SCUBE2: variants seen among roughly 807,000 people sequenced by gnomAD.
SCUBE2 encodes the protein signal peptide, CUB domain and EGF like domain containing 2.
Under a neutral mutation model 125.9 loss-of-function variants are expected in SCUBE2, and 114 were observed. The ratio of observed to expected loss-of-function variants is 0.91; its 90% confidence interval spans 0.78 to 1.06. The LOEUF is 1.06. SCUBE2 is among the 50% of genes least tolerant of loss of function. The pLI, the probability that SCUBE2 is intolerant of heterozygous loss-of-function variation, is 0.00. For synonymous variants in SCUBE2, 459 were observed against 492.9 expected (o/e 0.93, Z 0.91); for missense variants, 1,255 against 1,301.8 (o/e 0.96, Z 0.55).
At chr11:9,050,883 G>A (rs1182854422) in intron 13 of SCUBE2, among the ~76,000 whole-genome samples, 173 bp from the exon 14 acceptor site, 2 of 152,280 alleles carry the variant, frequency 1.3e-5, no homozygotes, top group African/African-American at 4.8e-5. Context: ...CATTGCCCTG[G>A]ACTGGGGCCA....
chr11:9,038,882 TTTCTTTTC>T (rs1005967845), intron 16 of SCUBE2, among the ~76,000 whole-genome samples: 6 of 151,972 alleles, frequency 3.9e-5, no homozygotes, highest in African/African-American at 1.5e-4. Flanking sequence ...TTTCTTTTCT[TTTCTTTTC>T]TTTTCTTTTC....
chr11:9,063,466 A>C (rs1251311608), intron 7 of SCUBE2, among the ~76,000 whole-genome samples: 1 of 152,238 alleles, frequency 6.6e-6, no homozygotes, highest in Non-Finnish European at 1.5e-5. Context: ...AGGATCAAGA[A>C]TAAAAATGAT....
intron 2 of SCUBE2, among the ~76,000 whole-genome samples, chr11:9,084,749 A>G (rs1045801229): frequency 6.6e-6 from 1 of 152,084 alleles, no homozygotes; most frequent in African/African-American, 2.4e-5. Context: ...TCTTATATCA[A>G]TTATTGTTTT....
chr11:9,077,316 A>C (rs917138907), intron 3 of SCUBE2, among the ~76,000 whole-genome samples: 1 of 152,146 alleles, frequency 6.6e-6, no homozygotes, highest in East Asian at 1.9e-4. Context: ...CAGAGTTAAG[A>C]ACAACTGCTA....
chr11:9,054,432 G>A (rs2135487643), intron 10 of SCUBE2, among the ~76,000 whole-genome samples: 1 of 152,154 alleles, frequency 6.6e-6, no homozygotes, highest in South Asian at 2.1e-4. Flanking sequence ...GAGCTGCCTA[G>A]CAAGGGAGGC....
In SCUBE2 at chr11:9,087,321, C is replaced by T. The variant is rs754111894; in HGVS notation, c.256+2386G>A. Reference sequence around the variant, plus strand: ...GGAATGGTTTTGTGCCACCAGAGAGCACACAGCAACTGGAGGACGTGAGTT... The same window carrying T: ...GGAATGGTTTTGTGCCACCAGAGAGTACACAGCAACTGGAGGACGTGAGTT... On this transcript the variant is annotated intron_variant, in intron 2 of 22. Coordinates refer to ENST00000649792, the MANE Select transcript of SCUBE2 (RefSeq NM_001367977.2). 5.3e-5 allele frequency among the ~76,000 whole-genome samples: 8 copies of T among 152,256 alleles called. No homozygotes were observed. The South Asian group carries it at 1.0e-3, about 20-fold the overall frequency.
intron 16 of SCUBE2, among the ~76,000 whole-genome samples, chr11:9,038,406 G>A (rs1319768331): frequency 1.3e-5 from 2 of 152,188 alleles, no homozygotes; most frequent in African/African-American, 4.8e-5. Flanking sequence ...CTGGGAGGCT[G>A]AGGCAGGAGG....
At chr11:9,025,959 C>T in intron 20 of SCUBE2, 105 bp from the exon 21 acceptor site, 1 of 1,206,558 alleles carries the variant, frequency 8.3e-7, no homozygotes. Context: ...ATAAGTTATG[C>T]TCAAAAGCTC....
chr11:9,090,469 T>TA (rs1554902878), intron 1 of SCUBE2: 2 of 56,898 alleles, frequency 3.5e-5, no homozygotes, highest in East Asian at 7.2e-4. Flanking sequence ...TTATGAGATT[T>TA]TTTTTTTATT....
chr11:9,041,963 G>A (rs1038408070), intron 16 of SCUBE2, among the ~76,000 whole-genome samples: 2 of 152,172 alleles, frequency 1.3e-5, no homozygotes, highest in African/African-American at 4.8e-5. Context: ...GTGCAAGATA[G>A]AGGGGGGCCT....
rs1198288139 is a variant in SCUBE2, at chr11:9,033,647, A to T, written c.2152T>A (p.Trp718Arg). The change falls in exon 17 of 23, where the codon TGG becomes AGG. Residue 718 changes from tryptophan (W) to arginine (R), a missense_variant. Physicochemically the swap from Trp to Arg is moderately radical, Grantham distance 101. Around this residue, in one of 3 missense-constraint regions of SCUBE2, gnomAD observed 515 missense variants for 515.7 expected, o/e 1.00. Transcript: ENST00000649792. ...TTACCTCCACATTCAGACATATTCCAAGCTTCTGGGGTCTTCAGGGCCCCA... is the reference window on the plus strand; with the variant it reads ...TTACCTCCACATTCAGACATATTCCTAGCTTCTGGGGTCTTCAGGGCCCCA... ...NSGALKTPEA[W>R]NMSECGGLCQ... 1.9e-6 allele frequency: 3 copies of T among 1,613,862 alleles called. No individual in the cohort carries two copies. In the Admixed American group the frequency reaches 5.0e-5, roughly 27 times the overall value.
intron 16 of SCUBE2, among the ~76,000 whole-genome samples, chr11:9,044,906 A>C (rs2135356162): frequency 6.6e-6 from 1 of 152,230 alleles, no homozygotes; most frequent in East Asian, 1.9e-4. Context: ...TTCCCTGACC[A>C]CAGTCTGCAC....
intron 7 of SCUBE2, among the ~76,000 whole-genome samples, chr11:9,061,571 G>GAAAA (rs11301303): frequency 1.9e-4 from 19 of 101,092 alleles, no homozygotes; most frequent in Middle Eastern, 5.5e-3. Context: ...GAAAAGAAAA[G>GAAAA]AAAAAAAAAA....
intron 2 of SCUBE2, among the ~76,000 whole-genome samples, chr11:9,080,607 C>T (rs899406724): frequency 2.6e-5 from 4 of 151,170 alleles, no homozygotes; most frequent in African/African-American, 7.3e-5. Flanking sequence ...CAAGATGACA[C>T]CACTGCATTC....
chr11:9,048,093 G>A lies in SCUBE2; in HGVS notation c.1645C>T (p.His549Tyr), dbSNP rs1177262346. The A allele has an allele frequency of 3.7e-6, 6 of 1,609,060 alleles. No individual in the cohort carries two copies. The East Asian group carries it at 1.3e-4, about 36-fold the overall frequency. ...CGGAAGCTCTCTTTTACTGAGCTGT[G>A]CTTCTCTGTATGAAGAAACAAAATT... ...EGLRPALPEK[H>Y]SSVKESFRYV... is the part of the protein sequence containing the mutation. Residue 549 changes from histidine to tyrosine, a missense_variant, in exon 15 of 23, where the codon CAC (histidine) becomes TAC (tyrosine). His to Tyr is a moderately conservative substitution (Grantham distance 83, BLOSUM62 2). Around this residue, in one of 3 missense-constraint regions of SCUBE2, gnomAD observed 378 missense variants for 463.1 expected, o/e 0.82. Coordinates refer to ENST00000649792, the MANE Select transcript of SCUBE2 (RefSeq NM_001367977.2).
chr11:9,020,964 G>T lies in SCUBE2; in HGVS notation c.*81C>A. On this transcript the variant is annotated 3_prime_UTR_variant, in exon 23 of 23. Coordinates refer to ENST00000649792, the MANE Select transcript of SCUBE2 (RefSeq NM_001367977.2). ...ATACGGGAGGCAGCAATACCCGACTGTGCTGACATGCAGAAGGAAGACAGC... is the reference window on the plus strand; with the variant it reads ...ATACGGGAGGCAGCAATACCCGACTTTGCTGACATGCAGAAGGAAGACAGC... 1 of 1,316,492 alleles carries T rather than the reference G, an allele frequency of 7.6e-7. No homozygotes were observed. Among genetic ancestry groups the T allele is most frequent in the Non-Finnish European group, 1.0e-6 (1 of 962,136 alleles). The allele number at this position is 1,316,492 out of a possible 1,614,324, so 81.6% of individuals were successfully genotyped here. A position where few individuals can be genotyped will look rare whatever the true frequency, so the allele number is the denominator to read the frequency against.
chr11:9,028,315 A>G (rs866841020), intron 19 of SCUBE2, among the ~76,000 whole-genome samples: 7 of 152,210 alleles, frequency 4.6e-5, no homozygotes, highest in Non-Finnish European at 1.0e-4. Context: ...GACTACAGGC[A>G]TGAGCCACTG....
At chr11:9,039,964 G>C (rs905340150) in intron 16 of SCUBE2, among the ~76,000 whole-genome samples, 4 of 152,206 alleles carry the variant, frequency 2.6e-5, no homozygotes, top group African/African-American at 9.7e-5. Context: ...AAGAACACCC[G>C]ACTGAAGGGC....
intron 7 of SCUBE2, 121 bp downstream of exon 7, chr11:9,065,770 C>T (rs141051409): frequency 9.3e-6 from 7 of 752,024 alleles, no homozygotes; most frequent in Admixed American, 2.1e-5. Context: ...TTCACAGGAG[C>T]TGCTCACCCC....
Sources: gnomAD v4.1 joint callset for allele counts (sites outside exome capture counted in the v4.1 genomes callset) on GRCh38, gnomAD v4.1.1 for gene constraint, gnomAD v4.1.1 regional missense constraint, MANE v1.5 for transcripts, NCBI Gene and HGNC (gene_info 2026-07-23, HGNC 2026-07-21) for gene names.